Variants in CNTNAP5 observed in about 807,000 individuals in gnomAD.
The protein encoded by CNTNAP5 is contactin-associated protein-like 5.
In CNTNAP5, 72 loss-of-function variants were observed where a neutral mutation model predicts 150.2. The observed-to-expected ratio is 0.48, with a 90% CI of 0.40 to 0.58. CNTNAP5 has a LOEUF of 0.58. Among genes scored for constraint, CNTNAP5 ranks in the 20% least tolerant of loss-of-function variants. CNTNAP5 has a pLI of 0.00. For missense variants in CNTNAP5, 1,636 were observed against 1,626.2 expected (o/e 1.01, Z -0.10); for synonymous variants, 672 against 619.8 (o/e 1.08, Z -1.25).
chr2:124,712,558 A>G (rs185257252), intron 13 of CNTNAP5, among the ~76,000 whole-genome samples: 1 of 152,198 alleles, frequency 6.6e-6, no homozygotes, highest in South Asian at 2.1e-4. Context: ...AGGCTGCTAC[A>G]ATAAAATATC....
chr2:124,423,470 T>C (rs1692161341), intron 4 of CNTNAP5, among the ~76,000 whole-genome samples: 2 of 152,096 alleles, frequency 1.3e-5, no homozygotes. Flanking sequence ...GTCTGGGGGC[T>C]TCCATTTGAA....
At chr2:124,906,155 C>A (rs1678531840) in intron 22 of CNTNAP5, among the ~76,000 whole-genome samples, 1 of 152,082 alleles carries the variant, frequency 6.6e-6, no homozygotes, top group Admixed American at 6.6e-5. Flanking sequence ...CATGTATCAA[C>A]AAGTCAATAT....
intron 11 of CNTNAP5, among the ~76,000 whole-genome samples, chr2:124,606,582 AACAT>A (rs1697110777): frequency 6.6e-6 from 1 of 152,212 alleles, no homozygotes; most frequent in South Asian, 2.1e-4. Flanking sequence ...TGCTGATAAA[AACAT>A]ACCTGAGACT....
intron 6 of CNTNAP5, among the ~76,000 whole-genome samples, chr2:124,448,625 C>A (rs184165538): frequency 1.4e-3 from 216 of 152,252 alleles, no homozygotes; most frequent in African/African-American, 5.1e-3. Flanking sequence ...CAGAAAACTA[C>A]CTGGCTTGTC....
intron 13 of CNTNAP5, among the ~76,000 whole-genome samples, chr2:124,662,733 T>A (rs1678619008): frequency 6.6e-6 from 1 of 152,230 alleles, no homozygotes; most frequent in African/African-American, 2.4e-5. Flanking sequence ...ATGTGATGGT[T>A]CTGCCAAATG....
chr2:124,897,309 A>G (rs1249475475), intron 21 of CNTNAP5, among the ~76,000 whole-genome samples: 3 of 151,488 alleles, frequency 2.0e-5, no homozygotes, highest in Non-Finnish European at 2.9e-5. Flanking sequence ...ATCTCCCTCT[A>G]CTATAAGATT....
rs865963774 is a variant in CNTNAP5 at position 124,786,456 on chromosome 2, A to G, written c.2753-3446A>G. Among the ~76,000 whole-genome samples, 346 of 118,254 alleles carry G rather than the reference A, an allele frequency of 2.9e-3. 6 individuals are homozygous for G. The highest frequency in any genetic ancestry group is 0.013 in the African/African-American group (284 of 21,910). 77.6% of individuals were successfully genotyped at this position (118,254 alleles called of 152,430 possible). A position where few individuals can be genotyped will look rare whatever the true frequency, so the allele number is the denominator to read the frequency against. ...GAAGGAAGGAAGGAAGGAAAGAAAG[A>G]AAGAAAGAAAGGAAGGAAGGAAGGA... On this transcript the variant is annotated intron_variant, in intron 17 of 23. Coordinates refer to ENST00000682447, the MANE Select transcript of CNTNAP5 (RefSeq NM_001367498.1).
intron 3 of CNTNAP5, among the ~76,000 whole-genome samples, chr2:124,375,941 G>C (rs906173896): frequency 6.6e-6 from 1 of 152,042 alleles, no homozygotes; most frequent in Non-Finnish European, 1.5e-5. Flanking sequence ...ACCTTGAAAA[G>C]TGTCCTCAAA....
At chr2:124,240,014 G>A (rs948729963) in intron 2 of CNTNAP5, among the ~76,000 whole-genome samples, 1 of 101,554 alleles carries the variant, frequency 9.8e-6, no homozygotes. Context: ...TTTTTTTCCT[G>A]TTGAAGAATA....
At chr2:124,139,106 A>C (rs1044284062) in intron 1 of CNTNAP5, among the ~76,000 whole-genome samples, 1 of 151,910 alleles carries the variant, frequency 6.6e-6, no homozygotes, top group African/African-American at 2.4e-5. Context: ...CCATTGTTTT[A>C]TTTTGTTGGA....
intron 5 of CNTNAP5, among the ~76,000 whole-genome samples, chr2:124,437,087 GA>G (rs1319580239): frequency 6.6e-6 from 1 of 152,124 alleles, no homozygotes; most frequent in African/African-American, 2.4e-5. Context: ...CCCATAATGG[GA>G]AATCTATAAT....
Position 124,171,111 on chromosome 2 carries a change from G to T in CNTNAP5, c.83-50594G>T, listed in dbSNP as rs1051373030. ...TGGCTGTCACTCAGATAGAAAGAAG[G>T]TTATTGCTTTTTCAAAACAGGATAG... On this transcript the variant is annotated intron_variant, in intron 1 of 23. Coordinates refer to ENST00000682447, the MANE Select transcript of CNTNAP5 (RefSeq NM_001367498.1). 2.6e-5 allele frequency among the ~76,000 whole-genome samples: 4 copies of T among 152,262 alleles called. No individual in the cohort carries two copies. In the South Asian group the frequency reaches 8.3e-4, roughly 32 times the overall value.
At chr2:124,389,374 G>C (rs1205535527) in intron 3 of CNTNAP5, among the ~76,000 whole-genome samples, 1 of 152,134 alleles carries the variant, frequency 6.6e-6, no homozygotes. Flanking sequence ...GTAATGCTTA[G>C]TGTCTGTGAC....
At chr2:124,285,844 A>C (rs1385672761) in intron 3 of CNTNAP5, among the ~76,000 whole-genome samples, 1 of 151,724 alleles carries the variant, frequency 6.6e-6, no homozygotes, top group East Asian at 1.9e-4. Flanking sequence ...GAAGAAGAAA[A>C]GAGAAGAGAG....
chr2:124,681,247 A>C (rs943083388), intron 13 of CNTNAP5, among the ~76,000 whole-genome samples: 1 of 148,516 alleles, frequency 6.7e-6, no homozygotes, highest in African/African-American at 2.5e-5. Flanking sequence ...GGTTGTAGTG[A>C]GCTGAGATCG....
At chr2:124,345,574 G>A (rs1689718266) in intron 3 of CNTNAP5, among the ~76,000 whole-genome samples, 1 of 152,134 alleles carries the variant, frequency 6.6e-6, no homozygotes, top group Admixed American at 6.5e-5. Context: ...AATGTTGTGG[G>A]TGGGTTAAAG....
chr2:124,153,814 T>C lies in CNTNAP5; in HGVS notation c.83-67891T>C, dbSNP rs189169487. On this transcript the variant is annotated intron_variant, in intron 1 of 23. Coordinates refer to ENST00000682447, the MANE Select transcript of CNTNAP5 (RefSeq NM_001367498.1). ...TTAGTAGAGACGGAGTTTCACTATA[T>C]GTTGGCCAGGCTAGTCTAGAACTCC... 3.0e-4 allele frequency among the ~76,000 whole-genome samples: 45 copies of C among 152,060 alleles called. No homozygotes were observed. The South Asian group carries it at 5.8e-3, about 20-fold the overall frequency.
At chr2:124,812,525 C>T (rs1682259410) in intron 19 of CNTNAP5, among the ~76,000 whole-genome samples, 1 of 152,074 alleles carries the variant, frequency 6.6e-6, no homozygotes, top group African/African-American at 2.4e-5. Flanking sequence ...TTGACATCAA[C>T]CCAGACCTTA....
intron 10 of CNTNAP5, among the ~76,000 whole-genome samples, chr2:124,552,440 T>A (rs1314478315): frequency 6.6e-6 from 1 of 152,154 alleles, no homozygotes; most frequent in Non-Finnish European, 1.5e-5. Flanking sequence ...CCTTTCCAGG[T>A]GGATTGCCCA....
Sources: gnomAD v4.1 joint callset for allele counts (sites outside exome capture counted in the v4.1 genomes callset) on GRCh38, gnomAD v4.1.1 for gene constraint, MANE v1.5 for transcripts, NCBI Gene and HGNC (gene_info 2026-07-23, HGNC 2026-07-21) for gene names.